Variants in RYR2 observed in about 807,000 individuals in gnomAD.
The protein encoded by RYR2 is ryanodine receptor 2.
A neutral mutation model predicts 601.1 loss-of-function variants in RYR2; 227 were observed. The ratio of observed to expected loss-of-function variants is 0.38; its 90% CI spans 0.34 to 0.42. The LOEUF (loss-of-function observed/expected upper bound fraction) is 0.42. Ranked by LOEUF, RYR2 falls within the 10% of genes least tolerant of loss-of-function variation. The pLI is 1.00. For synonymous variants in RYR2, 2,223 were observed against 2,175.1 expected (o/e 1.02, Z -0.61); for missense variants, 4,646 against 6,156.5 (o/e 0.75, Z 8.21).
chr1:237,161,086 A>G (rs1429295162), intron 1 of RYR2, among the ~76,000 whole-genome samples: 2 of 152,286 alleles, frequency 1.3e-5, no homozygotes, highest in South Asian at 2.1e-4. Flanking sequence ...AGATGCTGAT[A>G]TTTATAGATT....
chr1:237,556,673 A>G (rs1468711111), intron 27 of RYR2, among the ~76,000 whole-genome samples: 1 of 151,898 alleles, frequency 6.6e-6, no homozygotes, highest in Non-Finnish European at 1.5e-5. Flanking sequence ...GAATTCAAAG[A>G]TGAATAAGAG....
At chr1:237,057,123 C>T (rs986465331) in intron 1 of RYR2, among the ~76,000 whole-genome samples, 1 of 152,070 alleles carries the variant, frequency 6.6e-6, no homozygotes, top group African/African-American at 2.4e-5. Flanking sequence ...CAAAAATGGA[C>T]CAGATGATCT....
chr1:237,665,330 C>T (rs1185448829), intron 56 of RYR2, among the ~76,000 whole-genome samples: 6 of 142,574 alleles, frequency 4.2e-5, no homozygotes, highest in African/African-American at 1.3e-4. Context: ...ACCTGGGAGG[C>T]AGAGGTTGCA....
At chr1:237,508,002 T>G (rs540851011) in intron 23 of RYR2, among the ~76,000 whole-genome samples, 6 of 152,304 alleles carry the variant, frequency 3.9e-5, no homozygotes, top group African/African-American at 1.4e-4. Context: ...TCGCTCTTGT[T>G]ACCCAGCCTG....
Position 237,813,796 on chromosome 1 carries a change from T to C in RYR2, c.14433+4761T>C, listed in dbSNP as rs146593006. Among the ~76,000 whole-genome samples, 984 of 152,326 alleles carry C rather than the reference T, an allele frequency of 6.5e-3. 11 individuals carry two copies. The highest frequency in any genetic ancestry group is 0.02 in the Middle Eastern group (6 of 294). On this transcript the variant is annotated intron_variant, in intron 100 of 104. Transcript: ENST00000366574. ...ATTTCTGTCCTCATGAGTAAGACTA[T>C]TTATGACCAGCTCTGTTGTAGGTTT...
At chr1:237,196,737 C>G (rs1680613998) in intron 1 of RYR2, among the ~76,000 whole-genome samples, 1 of 152,052 alleles carries the variant, frequency 6.6e-6, no homozygotes, top group African/African-American at 2.4e-5. Flanking sequence ...TTAAGATGTT[C>G]CTAACTATTC....
At chr1:237,527,984 C>T (rs2618703) in intron 24 of RYR2, among the ~76,000 whole-genome samples, 102,816 of 152,062 alleles carry the variant, frequency 0.68, 35,991 homozygotes, top group East Asian at 0.84. Context: ...GTATAGGCTG[C>T]CTACCTGTTA....
intron 62 of RYR2, among the ~76,000 whole-genome samples, chr1:237,681,797 C>A (rs1003687236): frequency 1.3e-5 from 2 of 152,096 alleles, no homozygotes; most frequent in Non-Finnish European, 2.9e-5. Context: ...ACATCCAGTA[C>A]TCTGGGCCAG....
At chr1:237,055,582 GAA>G (rs1303171152) in intron 1 of RYR2, among the ~76,000 whole-genome samples, 1 of 152,114 alleles carries the variant, frequency 6.6e-6, no homozygotes, top group Non-Finnish European at 1.5e-5. Flanking sequence ...ACAAGAAGAG[GAA>G]AAAGACAAAG....
At chr1:237,436,453 C>CATTT (rs1491092540) in intron 12 of RYR2, among the ~76,000 whole-genome samples, 2 of 55,828 alleles carry the variant, frequency 3.6e-5, no homozygotes, top group Non-Finnish European at 6.2e-5. Flanking sequence ...GTGTGATTTT[C>CATTT]CTTTTTTTTT....
At chr1:237,233,074 C>T (rs935573696) in intron 1 of RYR2, among the ~76,000 whole-genome samples, 4 of 152,126 alleles carry the variant, frequency 2.6e-5, no homozygotes, top group African/African-American at 7.2e-5. Context: ...TTGCACAGAA[C>T]GATAGGATAT....
At chr1:237,275,651 GA>G (rs1558539052) in intron 2 of RYR2, among the ~76,000 whole-genome samples, 1 of 151,738 alleles carries the variant, frequency 6.6e-6, no homozygotes, top group African/African-American at 2.4e-5. Context: ...ACTTCAACTT[GA>G]AAAAAATAAG....
chr1:237,808,669 C>T lies in RYR2; in HGVS notation c.14299-232C>T, dbSNP rs1371587051. ...AACTCTGTCTCAAAAAAAAAAAAAA[C>T]AAAATAAAATAAAATAAAATAAAAT... On this transcript the variant is annotated intron_variant, in intron 99 of 104. Transcript: ENST00000366574. 4.5e-3 allele frequency among the ~76,000 whole-genome samples: 630 copies of T among 139,190 alleles called. 5 individuals are homozygous for T. The highest frequency in any genetic ancestry group is 0.016 in the African/African-American group (591 of 36,828). 91.3% of individuals were successfully genotyped at this position (139,190 alleles called of 152,430 possible).
chr1:237,165,628 C>A (rs1268504013), intron 1 of RYR2, among the ~76,000 whole-genome samples: 1 of 152,064 alleles, frequency 6.6e-6, no homozygotes, highest in African/African-American at 2.4e-5. Flanking sequence ...CTTTGGGAGG[C>A]CAAAGTAGAA....
intron 1 of RYR2, among the ~76,000 whole-genome samples, chr1:237,107,238 C>T (rs567635163): frequency 3.0e-4 from 46 of 152,066 alleles, no homozygotes; most frequent in African/African-American, 1.1e-3. Context: ...ACTATGAGCC[C>T]CACTTAGGAG....
In RYR2 at chr1:237,449,783, A is replaced by G. The variant is rs1018394499; in HGVS notation, c.1292+4261A>G. On this transcript the variant is annotated intron_variant, in intron 14 of 104. Coordinates refer to ENST00000366574, the MANE Select transcript of RYR2 (RefSeq NM_001035.3). ...GTTTTTTTTTTCTTTGGGTTGACTA[A>G]TTTTACTCCCTATTGATGATTGTAT... Among the ~76,000 whole-genome samples, 7 of 150,440 alleles carry G rather than the reference A, an allele frequency of 4.7e-5. No homozygotes were observed. The Admixed American group carries it at 4.7e-4, about 10-fold the overall frequency.
Position 237,213,922 on chromosome 1 carries a change from T to C in RYR2, c.49-56575T>C, listed in dbSNP as rs990881189. 1.6e-3 allele frequency among the ~76,000 whole-genome samples: 217 copies of C among 138,188 alleles called. 2 individuals carry two copies. The highest frequency in any genetic ancestry group is 5.7e-3 in the African/African-American group (209 of 36,816). The allele number at this position is 138,188 out of a possible 152,430, so 90.7% of individuals were successfully genotyped here. ...ATCTTTTTTTTTCTTTTTCTTTTTT[T>C]TTTTTTTTTTTTTTTTTAGACAGAG... On this transcript the variant is annotated intron_variant, in intron 1 of 104. Coordinates refer to ENST00000366574, the MANE Select transcript of RYR2 (RefSeq NM_001035.3).
At chr1:237,160,814 AAAAG>A (rs1396295225) in intron 1 of RYR2, among the ~76,000 whole-genome samples, 3 of 152,156 alleles carry the variant, frequency 2.0e-5, no homozygotes, top group South Asian at 2.1e-4. Flanking sequence ...GAAAATTGAT[AAAAG>A]AAAGAATTGT....
intron 17 of RYR2, among the ~76,000 whole-genome samples, chr1:237,487,332 T>C (rs1241805059): frequency 2.6e-5 from 4 of 152,294 alleles, no homozygotes; most frequent in African/African-American, 9.6e-5. Flanking sequence ...TATTTAAAAA[T>C]GGACTCTTTG....
Sources: gnomAD v4.1 joint callset for allele counts (sites outside exome capture counted in the v4.1 genomes callset) on GRCh38, gnomAD v4.1.1 for gene constraint, MANE v1.5 for transcripts, NCBI Gene and HGNC (gene_info 2026-07-23, HGNC 2026-07-21) for gene names.